The following SUCLG2 variants were observed in gnomAD, a reference collection of about 807,000 sequenced individuals.
SUCLG2 encodes succinate-CoA ligase GDP-forming subunit beta.
In SUCLG2, 42 loss-of-function variants were observed where a neutral mutation model predicts 47.9. That is an observed-to-expected ratio of 0.88 (90% CI 0.69 to 1.14). SUCLG2 has a LOEUF of 1.14. Among genes scored for constraint, SUCLG2 ranks in the 50% most tolerant of loss-of-function variants. SUCLG2 has a pLI of 0.00. For synonymous variants in SUCLG2, 195 were observed against 197.3 expected, an observed-to-expected ratio of 0.99 and a Z score of 0.10; for missense variants, 571 against 525.9, an observed-to-expected ratio of 1.09 and a Z score of -0.84.
At chr3:67,430,780 A>T (rs1703457162) in intron 9 of SUCLG2, among the ~76,000 whole-genome samples, 1 of 152,216 alleles carries the variant, frequency 6.6e-6, no homozygotes, top group Non-Finnish European at 1.5e-5. Context: ...ATGACCACCG[A>T]TCCCACAGAA....
At chr3:67,526,423 T>C (rs1047398927) in intron 4 of SUCLG2, among the ~76,000 whole-genome samples, 2 of 152,228 alleles carry the variant, frequency 1.3e-5, no homozygotes, top group Non-Finnish European at 2.9e-5. Context: ...AATCCATTCA[T>C]GAGGGCAGAG....
At chr3:67,449,829 A>T (rs1704011812) in intron 9 of SUCLG2, among the ~76,000 whole-genome samples, 1 of 151,976 alleles carries the variant, frequency 6.6e-6, no homozygotes, top group African/African-American at 2.4e-5. Flanking sequence ...GGCCAGGCTG[A>T]TCTTGAACTC....
At chr3:67,422,368 T>C (rs1160637802) in intron 9 of SUCLG2, among the ~76,000 whole-genome samples, 2 of 147,724 alleles carry the variant, frequency 1.4e-5, no homozygotes, top group South Asian at 2.2e-4. Context: ...CCAGCTACTC[T>C]GGAGGCTGAG....
intron 9 of SUCLG2, among the ~76,000 whole-genome samples, chr3:67,438,515 G>T (rs752729200): frequency 3.3e-5 from 5 of 151,386 alleles, no homozygotes; most frequent in African/African-American, 4.9e-5. Context: ...AAAGAAGAGA[G>T]AAGAATCAAA....
At chr3:67,509,084 T>C (rs989040445) in intron 6 of SUCLG2, among the ~76,000 whole-genome samples, 181 bp from the exon 7 acceptor site, 2 of 152,220 alleles carry the variant, frequency 1.3e-5, no homozygotes, top group South Asian at 2.1e-4. Context: ...AAGGAATTGC[T>C]CAGCTCTCCT....
At chr3:67,439,587 A>G (rs1379128950) in intron 9 of SUCLG2, among the ~76,000 whole-genome samples, 5 of 151,980 alleles carry the variant, frequency 3.3e-5, no homozygotes, top group African/African-American at 1.2e-4. Flanking sequence ...CTATACACCA[A>G]TAACAAACAG....
In SUCLG2 at chr3:67,383,221, G is replaced by A. The variant is rs191054429; in HGVS notation, c.1184-7362C>T. Among the ~76,000 whole-genome samples, 590 of 152,284 alleles carry A rather than the reference G, an allele frequency of 3.9e-3. 5 individuals carry two copies. The highest frequency in any genetic ancestry group is 0.013 in the African/African-American group (552 of 41,564). ...ATAATAAGGATAGCTAACATTTACT[G>A]AGCCAAGGACTATTGCAAATTATTT... On this transcript the variant is annotated intron_variant, in intron 10 of 10. Transcript: ENST00000307227.
intron 1 of SUCLG2, among the ~76,000 whole-genome samples, chr3:67,619,259 C>T (rs1018275306): frequency 1.3e-5 from 2 of 152,158 alleles, no homozygotes; most frequent in Non-Finnish European, 2.9e-5. Context: ...GAAAGCATTA[C>T]CTCGTGAGAT....
chr3:67,612,559 C>A (rs1277428391), intron 1 of SUCLG2, among the ~76,000 whole-genome samples: 1 of 152,078 alleles, frequency 6.6e-6, no homozygotes, highest in Non-Finnish European at 1.5e-5. Flanking sequence ...ATGAGCTAGG[C>A]ATTATATTAA....
intron 2 of SUCLG2, among the ~76,000 whole-genome samples, chr3:67,553,668 A>C (rs1707077254): frequency 6.6e-6 from 1 of 152,188 alleles, no homozygotes; most frequent in Non-Finnish European, 1.5e-5. Flanking sequence ...AAATCTACTA[A>C]GTATTAAATT....
intron 9 of SUCLG2, among the ~76,000 whole-genome samples, chr3:67,452,400 A>T (rs1704076798): frequency 1.3e-5 from 2 of 152,214 alleles, no homozygotes; most frequent in African/African-American, 2.4e-5. Context: ...TTTTACAAAG[A>T]CGAGACTGGT....
chr3:67,447,967 G>A (rs1251964285), intron 9 of SUCLG2, among the ~76,000 whole-genome samples: 3 of 152,192 alleles, frequency 2.0e-5, no homozygotes, highest in African/African-American at 7.2e-5. Context: ...GACCTCAGGT[G>A]ATCCGCCTGC....
chr3:67,531,946 C>T (rs1706416831), intron 2 of SUCLG2, among the ~76,000 whole-genome samples: 1 of 152,106 alleles, frequency 6.6e-6, no homozygotes, highest in Non-Finnish European at 1.5e-5. Context: ...GATCTGATCT[C>T]TCCCAAAACT....
At chr3:67,550,950 C>A (rs1353171058) in intron 2 of SUCLG2, among the ~76,000 whole-genome samples, 1 of 152,134 alleles carries the variant, frequency 6.6e-6, no homozygotes, top group African/African-American at 2.4e-5. Context: ...ATACTTAACA[C>A]AATACTTGGT....
In SUCLG2 at chr3:67,375,596, G is replaced by A. The variant is rs1179055832; in HGVS notation, c.*148C>T. 3 of 1,427,118 alleles carry A rather than the reference G, an allele frequency of 2.1e-6. No homozygotes were observed. Among genetic ancestry groups the A allele is most frequent in the Non-Finnish European group, 1.8e-6 (2 of 1,093,622 alleles). The allele number at this position is 1,427,118 out of a possible 1,614,324, so 88.4% of individuals were successfully genotyped here. A position where few individuals can be genotyped will look rare whatever the true frequency, so the allele number is the denominator to read the frequency against. ...TAGGCTGTCTAGATATCTTATTCCA[G>A]AAAACACAGATTTAAGATTTTTCAG... On this transcript the variant is annotated 3_prime_UTR_variant, in exon 11 of 11. Coordinates refer to ENST00000307227, the MANE Select transcript of SUCLG2 (RefSeq NM_003848.4).
At chr3:67,481,207 A>T (rs1198517504) in intron 9 of SUCLG2, among the ~76,000 whole-genome samples, 1 of 152,254 alleles carries the variant, frequency 6.6e-6, no homozygotes, top group Non-Finnish European at 1.5e-5. Flanking sequence ...GTAATTAGCA[A>T]TACAAGTTTC....
At chr3:67,407,154 T>G (rs1702832270) in intron 9 of SUCLG2, among the ~76,000 whole-genome samples, 1 of 152,190 alleles carries the variant, frequency 6.6e-6, no homozygotes, top group Non-Finnish European at 1.5e-5. Context: ...AAGCATGGTG[T>G]ATTCCAATAA....
intron 2 of SUCLG2, among the ~76,000 whole-genome samples, chr3:67,608,604 C>A (rs1267065847): frequency 6.6e-6 from 1 of 151,780 alleles, no homozygotes; most frequent in Non-Finnish European, 1.5e-5. Context: ...AATGCTCATA[C>A]TGTAAGAATT....
Position 67,562,660 on chromosome 3 carries a change from T to C in SUCLG2, c.227-33474A>G, listed in dbSNP as rs375085941. 1.8e-4 allele frequency among the ~76,000 whole-genome samples: 27 copies of C among 152,358 alleles called. No homozygotes were observed. In the East Asian group the frequency reaches 4.4e-3, roughly 25 times the overall value. On this transcript the variant is annotated intron_variant, in intron 2 of 10. Coordinates refer to ENST00000307227, the MANE Select transcript of SUCLG2 (RefSeq NM_003848.4). Reference sequence around the variant, plus strand: ...GCACGATGGTTAATGGTCAAGTGTATGGCAAGTTGCATACACTTTTTCAAC... The same window carrying C: ...GCACGATGGTTAATGGTCAAGTGTACGGCAAGTTGCATACACTTTTTCAAC...
Sources: allele counts gnomAD v4.1 joint callset (sites outside exome capture counted in the v4.1 genomes callset), GRCh38; gene constraint gnomAD v4.1.1; transcripts MANE v1.5; gene names NCBI Gene and HGNC (gene_info 2026-07-23, HGNC 2026-07-21).